The following SYT9 variants were observed in gnomAD, a reference collection of about 807,000 sequenced individuals.
SYT9 encodes synaptotagmin 9, also known as synaptotagmin-9.
In SYT9, 22 loss-of-function variants were observed where a neutral mutation model predicts 48.4. That is an observed-to-expected ratio of 0.45 (90% CI 0.32 to 0.65). SYT9 has a LOEUF of 0.65. Among genes scored for constraint, SYT9 ranks in the 30% least tolerant of loss-of-function variants. The pLI, the probability that SYT9 is intolerant of heterozygous loss-of-function variation, is 0.03. For synonymous variants in SYT9, 265 were observed against 245.0 expected, an observed-to-expected ratio of 1.08 and a Z score of -0.76; for missense variants, 577 against 622.0, an observed-to-expected ratio of 0.93 and a Z score of 0.77.
intron 2 of SYT9, among the ~76,000 whole-genome samples, chr11:7,303,933 C>A (rs767179204): frequency 1.3e-5 from 2 of 152,192 alleles, no homozygotes; most frequent in Admixed American, 6.5e-5. Flanking sequence ...CCGTCTCCAG[C>A]CTTTGGAAGG....
intron 1 of SYT9, among the ~76,000 whole-genome samples, chr11:7,292,322 C>A (rs915586917): frequency 6.6e-6 from 1 of 152,122 alleles, no homozygotes; most frequent in African/African-American, 2.4e-5. Context: ...AAGATTTGAG[C>A]CAATACAGTA....
At chr11:7,316,130 A>G (rs942971242) in intron 3 of SYT9, among the ~76,000 whole-genome samples, 2 of 151,054 alleles carry the variant, frequency 1.3e-5, no homozygotes, top group African/African-American at 4.8e-5. Flanking sequence ...TCTTTTTATA[A>G]TATAGAATGT....
chr11:7,293,429 C>G (rs1354507876), intron 1 of SYT9, among the ~76,000 whole-genome samples: 2 of 152,188 alleles, frequency 1.3e-5, no homozygotes, highest in Non-Finnish European at 2.9e-5. Context: ...GTTAATGCTC[C>G]TTAATCCTTG....
At chr11:7,349,064 G>A (rs1355271877) in intron 3 of SYT9, among the ~76,000 whole-genome samples, 3 of 151,998 alleles carry the variant, frequency 2.0e-5, no homozygotes, top group Admixed American at 1.3e-4. Context: ...TTAGGGAGTG[G>A]CTTCCAAATG....
chr11:7,263,699 A>G (rs1167962709), intron 1 of SYT9, among the ~76,000 whole-genome samples: 1 of 152,180 alleles, frequency 6.6e-6, no homozygotes, highest in Non-Finnish European at 1.5e-5. Context: ...TAAGATGACA[A>G]CCAAGAACTG....
intron 1 of SYT9, among the ~76,000 whole-genome samples, chr11:7,294,054 C>G (rs1181539486): frequency 6.6e-6 from 1 of 152,172 alleles, no homozygotes; most frequent in East Asian, 1.9e-4. Context: ...CTGGAAAATT[C>G]AAAACCAAGG....
At chr11:7,275,214 C>A (rs1312758896) in intron 1 of SYT9, among the ~76,000 whole-genome samples, 1 of 151,604 alleles carries the variant, frequency 6.6e-6, no homozygotes, top group Admixed American at 6.6e-5. Context: ...TGTAGTTATT[C>A]TCTCTACTAC....
chr11:7,298,610 T>C (rs1848856393), intron 1 of SYT9, among the ~76,000 whole-genome samples: 1 of 152,148 alleles, frequency 6.6e-6, no homozygotes, highest in Admixed American at 6.5e-5. Flanking sequence ...TGGGCTTAAA[T>C]TTTTTACTTG....
intron 6 of SYT9, among the ~76,000 whole-genome samples, chr11:7,442,911 A>T (rs182119311): frequency 2.4e-4 from 36 of 152,356 alleles, no homozygotes; most frequent in Admixed American, 7.8e-4. Context: ...CTGAGGATTC[A>T]GTGATAAAAA....
Position 7,444,712 on chromosome 11 carries a change from T to G in SYT9, c.1468-22080T>G, listed in dbSNP as rs1370679005. 2.6e-5 allele frequency among the ~76,000 whole-genome samples: 4 copies of G among 152,244 alleles called. No individual in the cohort carries two copies. The East Asian group carries it at 7.8e-4, about 30-fold the overall frequency. On this transcript the variant is annotated intron_variant, in intron 6 of 6. Transcript: ENST00000318881. ...TATCTCCTGGCTTGTGGTTGCTGCC[T>G]CCCTGGGGGCCTGCACCACATAAAG...
chr11:7,418,068 A>G lies in SYT9; in HGVS notation c.1277A>G (p.Asp426Gly), dbSNP rs1847284862. 3.1e-6 allele frequency: 5 copies of G among 1,614,148 alleles called. No homozygotes were observed. Among genetic ancestry groups the G allele is most frequent in the Non-Finnish European group, 4.2e-6 (5 of 1,180,014 alleles). The change falls in exon 5 of 7, where the codon GAT becomes GGT. Residue 426 changes from aspartate (D) to glycine (G), a missense_variant. Asp to Gly is a moderately conservative substitution (Grantham distance 94, BLOSUM62 -1). Coordinates refer to ENST00000318881, the MANE Select transcript of SYT9 (RefSeq NM_175733.4). Reference sequence around the variant, plus strand: ...GTTTACAACGAAGCCATAGTCTTTGATGTCCCTCCCGAGAACATTGACCAA... The same window carrying G: ...GTTTACAACGAAGCCATAGTCTTTGGTGTCCCTCCCGAGAACATTGACCAA... ...NPVYNEAIVF[D>G]VPPENIDQIH...
chr11:7,256,329 G>T (rs1335433886), intron 1 of SYT9, among the ~76,000 whole-genome samples: 1 of 152,142 alleles, frequency 6.6e-6, no homozygotes, highest in African/African-American at 2.4e-5. Context: ...TGTTAGAATT[G>T]GAGATCTCAG....
At chr11:7,266,682 C>T (rs1196475748) in intron 1 of SYT9, among the ~76,000 whole-genome samples, 1 of 152,072 alleles carries the variant, frequency 6.6e-6, no homozygotes, top group African/African-American at 2.4e-5. Context: ...TATGTGGAAA[C>T]TGGGAAGTTA....
intron 3 of SYT9, among the ~76,000 whole-genome samples, chr11:7,324,910 T>G (rs1334018448): frequency 1.3e-5 from 2 of 152,146 alleles, no homozygotes; most frequent in African/African-American, 4.8e-5. Flanking sequence ...CAGTTATTGA[T>G]AAAATGTGTT....
At chr11:7,398,515 T>C (rs1304458874) in intron 3 of SYT9, among the ~76,000 whole-genome samples, 4 of 151,880 alleles carry the variant, frequency 2.6e-5, no homozygotes, top group Non-Finnish European at 5.9e-5. Flanking sequence ...GTTCACGCCA[T>C]TCTCCTGCCT....
Position 7,269,977 on chromosome 11 carries a change from T to C in SYT9, c.145+17646T>C, listed in dbSNP as rs370352894. Among the ~76,000 whole-genome samples the C allele has an allele frequency of 3.3e-4, 51 of 152,252 alleles. No individual in the cohort carries two copies. The South Asian group carries it at 0.011, about 32-fold the overall frequency. The stretch of plus-strand genomic sequence containing the variant: ...AAGCACAACAGCAGGAACATTTTTA[T>C]TTTGCAAAGTTCATTATCAGCAAGA... On this transcript the variant is annotated intron_variant, in intron 1 of 6. Transcript: ENST00000318881.
intron 1 of SYT9, among the ~76,000 whole-genome samples, chr11:7,296,216 T>C (rs1848804743): frequency 6.6e-6 from 1 of 152,182 alleles, no homozygotes. Flanking sequence ...CAAGACAAGA[T>C]ACAGAAAATT....
At position 7,310,194 on chromosome 11, in the gene SYT9, C is replaced by T. The variant is rs528989742; in HGVS notation, c.498-3201C>T. 3.4e-4 allele frequency among the ~76,000 whole-genome samples: 52 copies of T among 152,220 alleles called. 1 individual carries two copies. The highest frequency in any genetic ancestry group is 1.0e-3 in the African/African-American group (42 of 41,540). ...TGTTGCCCAGACTGGAGTGTAGTGG[C>T]GTGATCTCCACTCACTGCAACCTCT... is the stretch of plus-strand genomic sequence containing the variant. On this transcript the variant is annotated intron_variant, in intron 2 of 6. Transcript: ENST00000318881.
In SYT9 at chr11:7,353,989, A is replaced by T. The variant is rs528007689; in HGVS notation, c.1044+40048A>T. Among the ~76,000 whole-genome samples the T allele has an allele frequency of 2.0e-5, 3 of 152,364 alleles. No individual in the cohort carries two copies. The East Asian group carries it at 5.8e-4, about 29-fold the overall frequency. ...ATTGTAATGGCTTTATACTACAATT[A>T]GCAAATATCTGAAGTAACAATATGA... On this transcript the variant is annotated intron_variant, in intron 3 of 6. Transcript: ENST00000318881.
Sources: gnomAD v4.1 joint callset for allele counts (sites outside exome capture counted in the v4.1 genomes callset) on GRCh38, gnomAD v4.1.1 for gene constraint, MANE v1.5 for transcripts, NCBI Gene and HGNC (gene_info 2026-07-23, HGNC 2026-07-21) for gene names.